ECT2L: variants seen among roughly 807,000 people sequenced by gnomAD.
ECT2L encodes the protein epithelial cell transforming 2 like.
A neutral mutation model predicts 122.8 loss-of-function variants in ECT2L; 126 were observed. The observed-to-expected ratio is 1.03, with a 90% CI of 0.89 to 1.19. ECT2L has a LOEUF of 1.19. Ranked by LOEUF, ECT2L falls within the 50% of genes most tolerant of loss-of-function variation. The pLI is 0.00. For missense variants in ECT2L, 1,012 were observed against 1,064.1 expected (o/e 0.95, Z 0.68); for synonymous variants, 385 against 381.8 (o/e 1.01, Z -0.10).
At chr6:138,864,676 AG>A (rs1258018490) in intron 11 of ECT2L, among the ~76,000 whole-genome samples, 1 of 152,248 alleles carries the variant, frequency 6.6e-6, no homozygotes, top group Admixed American at 6.5e-5. Flanking sequence ...AAGATAAAGC[AG>A]TGCATTCTTC....
Position 138,865,056 on chromosome 6 carries a change from A to C in ECT2L, c.1352A>C (p.Glu451Ala), listed in dbSNP as rs1334353360. The C allele has an allele frequency of 1.2e-6, 2 of 1,614,126 alleles. No individual in the cohort carries two copies. The highest frequency in any genetic ancestry group is 3.3e-5 in the Admixed American group (2 of 60,022). Reference sequence around the variant, plus strand: ...GCCCCCTCTTCCATCTACTTCTGCGAATCGAAGCTACAGACGTGGTCCAGC... The same window carrying C: ...GCCCCCTCTTCCATCTACTTCTGCGCATCGAAGCTACAGACGTGGTCCAGC... ...GKAPSSIYFCESKLQTWSSFT... is the reference protein window; with the variant it reads ...GKAPSSIYFCASKLQTWSSFT... The change falls in exon 12 of 22, where the codon GAA (glutamate) becomes GCA (alanine). Residue 451 changes from glutamate to alanine, a missense_variant. Glu to Ala is a moderately radical substitution (Grantham distance 107). Coordinates refer to ENST00000541398, the MANE Select transcript of ECT2L (RefSeq NM_001077706.3).
Position 138,838,429 on chromosome 6 carries a change from C to T in ECT2L, c.257C>T (p.Ser86Phe), listed in dbSNP as rs1291179631. ...DFSTVLPRFI[S>F]LYIFSFLSPK... The stretch of plus-strand genomic sequence containing the variant: ...TCTACAGTGTTACCACGCTTCATTT[C>T]TCTATATATCTTTTCCTTTTTGAGT... The change falls in exon 5 of 22, where the codon TCT (serine) becomes TTT (phenylalanine). Residue 86 changes from serine to phenylalanine, a missense_variant. Coordinates refer to ENST00000541398, the MANE Select transcript of ECT2L (RefSeq NM_001077706.3). 4 of 1,613,988 alleles carry T rather than the reference C, an allele frequency of 2.5e-6. No homozygotes were observed. Among genetic ancestry groups the T allele is most frequent in the Non-Finnish European group, 3.4e-6 (4 of 1,179,978 alleles).
intron 12 of ECT2L, among the ~76,000 whole-genome samples, chr6:138,866,299 C>T (rs144044774): frequency 0.019 from 2,955 of 152,168 alleles, 94 homozygotes; most frequent in African/African-American, 0.067. Context: ...AGGCATGCAC[C>T]GCCATGCCTG....
chr6:138,811,786 C>A (rs913588385), intron 1 of ECT2L, among the ~76,000 whole-genome samples: 1 of 152,176 alleles, frequency 6.6e-6, no homozygotes, highest in Non-Finnish European at 1.5e-5. Context: ...TCAAGCGATT[C>A]TCCTGCCTCA....
intron 6 of ECT2L, among the ~76,000 whole-genome samples, chr6:138,843,921 C>A (rs1322452767): frequency 6.6e-6 from 1 of 152,156 alleles, no homozygotes; most frequent in Admixed American, 6.5e-5. Flanking sequence ...AATTCCTGGG[C>A]TCAAGTGACC....
At position 138,886,886 on chromosome 6, in the gene ECT2L, T is replaced by C. The variant is rs1230376011; in HGVS notation, c.2289T>C (p.His763=). ...QMKQNITMKD[H]LSDIQRIIWG... is the part of the protein sequence containing the mutation. ...AGCAAAACATCACTATGAAGGATCA[T>C]CTGTCAGATATACAGAGAATCATCT... The change falls in exon 19 of 22, where the codon CAT becomes CAC. Residue 763 remains histidine (H), a synonymous_variant. Transcript: ENST00000541398. 6.2e-7 allele frequency: 1 copy of C among 1,613,702 alleles called. No homozygotes were observed. Among genetic ancestry groups the C allele is most frequent in the Non-Finnish European group, 8.5e-7 (1 of 1,179,798 alleles).
intron 1 of ECT2L, among the ~76,000 whole-genome samples, chr6:138,800,102 T>TTCC (rs916286407): frequency 2.6e-5 from 4 of 152,224 alleles, no homozygotes; most frequent in Non-Finnish European, 5.9e-5. Context: ...GGGTCTTCTA[T>TTCC]TTTATTCCTT....
chr6:138,837,306 C>T (rs1467447891), intron 4 of ECT2L, among the ~76,000 whole-genome samples: 1 of 152,128 alleles, frequency 6.6e-6, no homozygotes, highest in Non-Finnish European at 1.5e-5. Context: ...CCCCTGTAAA[C>T]AACCAATCTT....
chr6:138,894,682 C>G (rs1195518070), intron 20 of ECT2L, among the ~76,000 whole-genome samples: 1 of 152,104 alleles, frequency 6.6e-6, no homozygotes, highest in East Asian at 1.9e-4. Flanking sequence ...AGACAAAGAA[C>G]AATTATGGTC....
At chr6:138,858,554 C>A (rs1456918994) in intron 10 of ECT2L, among the ~76,000 whole-genome samples, 3 of 152,026 alleles carry the variant, frequency 2.0e-5, no homozygotes, top group African/African-American at 7.2e-5. Context: ...TAAGAAAAAT[C>A]AAGAAAATGA....
At chr6:138,822,290 G>A (rs1480914740) in intron 4 of ECT2L, among the ~76,000 whole-genome samples, 4 of 152,176 alleles carry the variant, frequency 2.6e-5, no homozygotes, top group Non-Finnish European at 5.9e-5. Flanking sequence ...AGTGGCTCAC[G>A]CGCCTGTAAG....
At chr6:138,884,757 C>G (rs1778755908) in intron 16 of ECT2L, among the ~76,000 whole-genome samples, 1 of 152,062 alleles carries the variant, frequency 6.6e-6, no homozygotes, top group South Asian at 2.1e-4. Flanking sequence ...TAGTCAAGAT[C>G]TTACTATACT....
intron 11 of ECT2L, among the ~76,000 whole-genome samples, chr6:138,863,616 T>C (rs373008275): frequency 7.8e-6 from 1 of 128,904 alleles, no homozygotes; most frequent in Admixed American, 7.6e-5. Context: ...GTTTTCTTTC[T>C]TTTTTTTTTT....
At chr6:138,816,837 G>A (rs955496487) in intron 4 of ECT2L, among the ~76,000 whole-genome samples, 4 of 152,172 alleles carry the variant, frequency 2.6e-5, no homozygotes, top group African/African-American at 7.2e-5. Context: ...ACCCATTTAC[G>A]GGTACAATTC....
intron 20 of ECT2L, among the ~76,000 whole-genome samples, chr6:138,891,758 T>C (rs1779036022): frequency 1.3e-5 from 2 of 152,188 alleles, no homozygotes; most frequent in South Asian, 4.1e-4. Context: ...CAGGACTTCT[T>C]GAGACTGTGA....
chr6:138,831,136 C>T (rs1000489521), intron 4 of ECT2L, among the ~76,000 whole-genome samples: 1 of 152,162 alleles, frequency 6.6e-6, no homozygotes, highest in African/African-American at 2.4e-5. Flanking sequence ...TCAATTTACC[C>T]CCAATATCTC....
intron 14 of ECT2L, among the ~76,000 whole-genome samples, chr6:138,877,770 C>T (rs995477965): frequency 2.6e-5 from 4 of 151,946 alleles, no homozygotes; most frequent in Non-Finnish European, 4.4e-5. Flanking sequence ...CCTGTCTCTA[C>T]AAAAAAATTA....
intron 4 of ECT2L, among the ~76,000 whole-genome samples, chr6:138,824,620 G>A (rs188978596): frequency 6.7e-6 from 1 of 150,208 alleles, no homozygotes; most frequent in Non-Finnish European, 1.5e-5. Flanking sequence ...ACACTGTAAT[G>A]CACATCAAGT....
intron 10 of ECT2L, 73 bp downstream of exon 10, chr6:138,854,227 T>G (rs1358240559): frequency 2.2e-5 from 32 of 1,457,678 alleles, no homozygotes; most frequent in Admixed American, 4.6e-5. Context: ...ATTATTGAAG[T>G]GCCCCTGGGT....
Sources: gnomAD v4.1 joint callset for allele counts (sites outside exome capture counted in the v4.1 genomes callset) on GRCh38, gnomAD v4.1.1 for gene constraint, MANE v1.5 for transcripts, NCBI Gene and HGNC (gene_info 2026-07-23, HGNC 2026-07-21) for gene names.